Variants in PIK3AP1 observed in about 807,000 individuals in gnomAD.
The protein encoded by PIK3AP1 is phosphoinositide-3-kinase adaptor protein 1.
A neutral mutation model predicts 88.1 loss-of-function variants in PIK3AP1; 21 were observed. The observed-to-expected ratio is 0.24, with a 90% CI of 0.17 to 0.34. The LOEUF (loss-of-function observed/expected upper bound fraction) is 0.34, where lower values mean the gene tolerates loss of function less well. Ranked by LOEUF, PIK3AP1 falls within the 10% of genes least tolerant of loss-of-function variation. PIK3AP1 has a pLI of 1.00. For synonymous variants in PIK3AP1, 398 were observed against 400.0 expected (o/e 1.00, Z 0.06); for missense variants, 828 against 1,035.7 (o/e 0.80, Z 2.75).
chr10:96,691,654 G>A (rs572544067), intron 2 of PIK3AP1, among the ~76,000 whole-genome samples: 2 of 152,238 alleles, frequency 1.3e-5, no homozygotes, highest in African/African-American at 4.8e-5. Context: ...TTCCCAACTG[G>A]TCTACCAATA....
intron 10 of PIK3AP1, 97 bp downstream of exon 10, chr10:96,626,611 A>G (rs1399962813): frequency 2.3e-6 from 3 of 1,284,200 alleles, no homozygotes; most frequent in African/African-American, 3.0e-5. Context: ...AGAAGGGGAT[A>G]GTCTCTGAGC....
rs118028847 is a variant in PIK3AP1 at position 96,679,058 on chromosome 10, C to T, written c.431-22124G>A. Among the ~76,000 whole-genome samples, 566 of 152,330 alleles carry T rather than the reference C, an allele frequency of 3.7e-3. 27 individuals are homozygous for T. In the East Asian group the frequency reaches 0.098, roughly 26 times the overall value. On this transcript the variant is annotated intron_variant, in intron 2 of 16. Coordinates refer to ENST00000339364, the MANE Select transcript of PIK3AP1 (RefSeq NM_152309.3). ...GAAGGTTCAGCTTCACAGACAGTCA[C>T]ACTTTAGTAAGAATTATTTTTGAAT... is the stretch of plus-strand genomic sequence containing the variant.
chr10:96,612,081 C>A (rs1003594009), intron 13 of PIK3AP1, among the ~76,000 whole-genome samples: 1 of 152,098 alleles, frequency 6.6e-6, no homozygotes, highest in Non-Finnish European at 1.5e-5. Flanking sequence ...CAGGTTATAG[C>A]CCCCAGTGAG....
chr10:96,629,654 G>T (rs1843210200), intron 8 of PIK3AP1, among the ~76,000 whole-genome samples: 1 of 132,654 alleles, frequency 7.5e-6, no homozygotes, highest in African/African-American at 2.9e-5. Context: ...AAGGCAGAAG[G>T]ATCACTTGAG....
chr10:96,634,220 C>T (rs1219973891), intron 8 of PIK3AP1, among the ~76,000 whole-genome samples: 3 of 152,090 alleles, frequency 2.0e-5, no homozygotes, highest in Admixed American at 1.3e-4. Context: ...ATCCGAGGCA[C>T]GGCTGGAAGA....
Position 96,678,006 on chromosome 10 carries a change from A to G in PIK3AP1, c.431-21072T>C, listed in dbSNP as rs576506520. 8.5e-5 allele frequency among the ~76,000 whole-genome samples: 13 copies of G among 152,252 alleles called. 1 individual carries two copies. The South Asian group carries it at 2.7e-3, about 32-fold the overall frequency. On this transcript the variant is annotated intron_variant, in intron 2 of 16. Coordinates refer to ENST00000339364, the MANE Select transcript of PIK3AP1 (RefSeq NM_152309.3). ...ACAAAGTCTTGCTTGCTCTATTGCC[A>G]AAACTGGAGTGTAGTGGTGTGATCA...
At chr10:96,713,681 C>A (rs1042578636) in intron 1 of PIK3AP1, among the ~76,000 whole-genome samples, 1 of 152,004 alleles carries the variant, frequency 6.6e-6, no homozygotes, top group Non-Finnish European at 1.5e-5. Flanking sequence ...TTCTAAAGAC[C>A]ACATGGCCAT....
chr10:96,647,798 C>T lies in PIK3AP1; in HGVS notation c.1185+861G>A, dbSNP rs978880281. ...CTCCCTGTGAGGTCACAGCCCCATG[C>T]GAGAGGCTGAGCTATTCTCAGGTAC... is the stretch of plus-strand genomic sequence containing the variant. On this transcript the variant is annotated intron_variant, in intron 7 of 16. Coordinates refer to ENST00000339364, the MANE Select transcript of PIK3AP1 (RefSeq NM_152309.3). Among the ~76,000 whole-genome samples, 15 of 152,224 alleles carry T rather than the reference C, an allele frequency of 9.9e-5. 2 individuals carry two copies. The highest frequency in any genetic ancestry group is 6.5e-4 in the Admixed American group (10 of 15,292).
At chr10:96,679,175 A>G (rs1843965075) in intron 2 of PIK3AP1, among the ~76,000 whole-genome samples, 1 of 152,166 alleles carries the variant, frequency 6.6e-6, no homozygotes, top group Non-Finnish European at 1.5e-5. Context: ...CCTCTACTTG[A>G]ATATTACAGA....
At chr10:96,663,663 T>C (rs1843725013) in intron 2 of PIK3AP1, among the ~76,000 whole-genome samples, 1 of 141,250 alleles carries the variant, frequency 7.1e-6, no homozygotes, top group Non-Finnish European at 1.5e-5. Context: ...AAGAAACCCA[T>C]TGGCAAATCA....
intron 11 of PIK3AP1, among the ~76,000 whole-genome samples, chr10:96,622,491 G>A (rs150607610): frequency 3.3e-5 from 5 of 152,286 alleles, no homozygotes; most frequent in Non-Finnish European, 5.9e-5. Flanking sequence ...TGGCTGCACC[G>A]GTGAGTACTG....
chr10:96,607,627 C>T (rs744363), intron 14 of PIK3AP1, among the ~76,000 whole-genome samples: 129,808 of 152,186 alleles, frequency 0.85, 55,549 homozygotes, highest in East Asian at 0.99. Context: ...CAAAGCTTGA[C>T]AGGCACTAGC....
rs576187634 is a variant in PIK3AP1 at position 96,716,670 on chromosome 10, C to G, written c.13+3712G>C. Among the ~76,000 whole-genome samples, 36 of 152,320 alleles carry G rather than the reference C, an allele frequency of 2.4e-4. No homozygotes were observed. The South Asian group carries it at 7.0e-3, about 30-fold the overall frequency. On this transcript the variant is annotated intron_variant, in intron 1 of 16. Transcript: ENST00000339364. ...ATATGGGGGAAACTCCTTTCTTCAGCAATAATCCTCTTCCTTTAACCATAA... is the reference window on the plus strand; with the variant it reads ...ATATGGGGGAAACTCCTTTCTTCAGGAATAATCCTCTTCCTTTAACCATAA...
chr10:96,663,651 A>G (rs1843724671), intron 2 of PIK3AP1, among the ~76,000 whole-genome samples: 1 of 150,548 alleles, frequency 6.6e-6, no homozygotes, highest in South Asian at 2.1e-4. Context: ...AAAAAAAAAA[A>G]AAAGAAACCC....
chr10:96,645,740 G>C, intron 7 of PIK3AP1, 78 bp from the exon 8 acceptor site: 1 of 1,301,616 alleles, frequency 7.7e-7, no homozygotes, highest in South Asian at 1.4e-5. Flanking sequence ...GAAGGCACTT[G>C]TGGCCAGCAA....
At chr10:96,597,621 G>A (rs1373114214) in intron 16 of PIK3AP1, among the ~76,000 whole-genome samples, 5 of 152,054 alleles carry the variant, frequency 3.3e-5, no homozygotes, top group African/African-American at 1.2e-4. Flanking sequence ...CAAGTTCAAC[G>A]CCTCTGCAAT....
intron 16 of PIK3AP1, among the ~76,000 whole-genome samples, chr10:96,597,326 C>A (rs1229837473): frequency 8.0e-6 from 1 of 125,564 alleles, no homozygotes; most frequent in Non-Finnish European, 1.6e-5. Flanking sequence ...TTCCTTCCTT[C>A]CTTCTTTCCT....
At chr10:96,623,639 G>A (rs890736175) in intron 10 of PIK3AP1, 102 bp from the exon 11 acceptor site, 4 of 1,018,380 alleles carry the variant, frequency 3.9e-6, no homozygotes, top group African/African-American at 1.6e-5. Context: ...ATGTGGTTCT[G>A]TAAATCAAAA....
chr10:96,641,116 TGTGTGTGTGC>T (rs1293780740), intron 8 of PIK3AP1, among the ~76,000 whole-genome samples: 2 of 120,856 alleles, frequency 1.7e-5, no homozygotes, highest in African/African-American at 5.2e-5. Flanking sequence ...TGTGTGTGTG[TGTGTGTGTGC>T]GTGTGCATGT....
Sources: allele counts gnomAD v4.1 joint callset (sites outside exome capture counted in the v4.1 genomes callset), GRCh38; gene constraint gnomAD v4.1.1; transcripts MANE v1.5; gene names NCBI Gene and HGNC (gene_info 2026-07-23, HGNC 2026-07-21).